The following WWOX variants were observed in gnomAD, a reference collection of about 807,000 sequenced individuals.
WWOX encodes WW domain containing oxidoreductase.
A neutral mutation model predicts 46.2 loss-of-function variants in WWOX; 69 were observed. The observed-to-expected ratio is 1.49, with a 90% CI of 1.23 to 1.82. WWOX has a LOEUF of 1.82. Among genes scored for constraint, WWOX ranks in the 40% most tolerant of loss-of-function variants. WWOX has a pLI of 0.00. For synonymous variants in WWOX, 359 were observed against 202.6 expected (o/e 1.77, Z -6.56); for missense variants, 919 against 542.6 (o/e 1.69, Z -6.89).
intron 8 of WWOX, among the ~76,000 whole-genome samples, chr16:78,537,750 A>G (rs2043793778): frequency 6.6e-6 from 1 of 152,248 alleles, no homozygotes; most frequent in East Asian, 1.9e-4. Flanking sequence ...GTGATGAGGA[A>G]GCTGGATTTG....
intron 8 of WWOX, among the ~76,000 whole-genome samples, chr16:78,573,958 A>G (rs988288795): frequency 2.2e-4 from 33 of 152,292 alleles, no homozygotes; most frequent in Middle Eastern, 3.4e-3. Flanking sequence ...CAAAGTTGCA[A>G]TCATATATTG....
intron 5 of WWOX, among the ~76,000 whole-genome samples, chr16:78,301,758 C>A (rs746539410): frequency 6.6e-6 from 1 of 152,150 alleles, no homozygotes; most frequent in East Asian, 1.9e-4. Flanking sequence ...GATGGTTCAA[C>A]TACAGCACAG....
At chr16:78,181,855 A>G (rs1195277391) in intron 5 of WWOX, among the ~76,000 whole-genome samples, 1 of 152,166 alleles carries the variant, frequency 6.6e-6, no homozygotes, top group African/African-American at 2.4e-5. Context: ...TTTTAGATGT[A>G]TAAGTGGATA....
chr16:78,881,951 C>T (rs1326873996), intron 8 of WWOX, among the ~76,000 whole-genome samples: 1 of 152,058 alleles, frequency 6.6e-6, no homozygotes, highest in African/African-American at 2.4e-5. Flanking sequence ...GGTGAAACCT[C>T]ATCTTTACTA....
intron 8 of WWOX, among the ~76,000 whole-genome samples, chr16:79,113,369 A>T (rs1317001068): frequency 6.6e-6 from 1 of 152,140 alleles, no homozygotes; most frequent in Non-Finnish European, 1.5e-5. Context: ...GGGCAAAGAA[A>T]CTGGAGTACT....
At chr16:78,664,006 T>C (rs1038056099) in intron 8 of WWOX, among the ~76,000 whole-genome samples, 4 of 152,136 alleles carry the variant, frequency 2.6e-5, no homozygotes, top group African/African-American at 9.7e-5. Context: ...GTGATCACTA[T>C]TGGGAGGTGG....
intron 8 of WWOX, among the ~76,000 whole-genome samples, chr16:78,460,514 C>G (rs903657872): frequency 6.6e-6 from 1 of 152,182 alleles, no homozygotes; most frequent in Non-Finnish European, 1.5e-5. Context: ...GCACAGATTT[C>G]TCCAACCCTG....
intron 8 of WWOX, among the ~76,000 whole-genome samples, chr16:78,495,768 A>G (rs2084903080): frequency 6.6e-6 from 1 of 152,110 alleles, no homozygotes. Flanking sequence ...TCCACCTCCC[A>G]AAGTGCTGGG....
chr16:78,160,537 C>G (rs2034761025), intron 4 of WWOX, among the ~76,000 whole-genome samples: 1 of 152,086 alleles, frequency 6.6e-6, no homozygotes, highest in South Asian at 2.1e-4. Context: ...ATATTTCTAA[C>G]TTTCATTGTA....
chr16:78,748,665 T>G (rs2049406066), intron 8 of WWOX, among the ~76,000 whole-genome samples: 1 of 152,118 alleles, frequency 6.6e-6, no homozygotes, highest in African/African-American at 2.4e-5. Context: ...CAAGGGAGAT[T>G]AGGTAAAGTG....
At chr16:78,373,529 TTC>T (rs1329225060) in intron 5 of WWOX, among the ~76,000 whole-genome samples, 2 of 152,192 alleles carry the variant, frequency 1.3e-5, no homozygotes, top group Non-Finnish European at 2.9e-5. Flanking sequence ...AAATGTGGCT[TTC>T]TGTCTAGTCA....
Position 78,978,532 on chromosome 16 carries a change from T to C in WWOX, c.1057-233076T>C, listed in dbSNP as rs150128388. On this transcript the variant is annotated intron_variant, in intron 8 of 8. Transcript: ENST00000566780. ...TCTGGCACTGCTATAAAGAAATGCC[T>C]GAGACTGGGTAATGGCTGAAGAAAA... Among the ~76,000 whole-genome samples the C allele has an allele frequency of 3.5e-4, 54 of 152,296 alleles. 1 individual carries two copies. The highest frequency in any genetic ancestry group is 1.3e-3 in the African/African-American group (52 of 41,558).
intron 8 of WWOX, among the ~76,000 whole-genome samples, chr16:78,636,835 T>C (rs1026340593): frequency 6.6e-6 from 1 of 152,180 alleles, no homozygotes; most frequent in Non-Finnish European, 1.5e-5. Context: ...CTCCTTCAGA[T>C]ACGCTCTTCA....
At chr16:78,530,597 G>A (rs929060973) in intron 8 of WWOX, among the ~76,000 whole-genome samples, 4 of 152,128 alleles carry the variant, frequency 2.6e-5, no homozygotes, top group Non-Finnish European at 4.4e-5. Flanking sequence ...GGCAGGCCGG[G>A]CCATGGGTGG....
At chr16:78,518,643 CATTT>C (rs1207349633) in intron 8 of WWOX, among the ~76,000 whole-genome samples, 1 of 152,170 alleles carries the variant, frequency 6.6e-6, no homozygotes, top group Non-Finnish European at 1.5e-5. Flanking sequence ...ATCTAGATTT[CATTT>C]ATTTAAGAAC....
chr16:79,000,972 C>G (rs1408341622), intron 8 of WWOX, among the ~76,000 whole-genome samples: 1 of 152,096 alleles, frequency 6.6e-6, no homozygotes, highest in African/African-American at 2.4e-5. Flanking sequence ...TATGAGATTC[C>G]TAGGGCCTAC....
intron 8 of WWOX, among the ~76,000 whole-genome samples, chr16:78,580,999 T>C (rs147749982): frequency 6.6e-6 from 1 of 152,234 alleles, no homozygotes; most frequent in East Asian, 1.9e-4. Flanking sequence ...AAAAAGTATA[T>C]CTGTGAACTT....
At chr16:78,938,404 C>G (rs551016686) in intron 8 of WWOX, among the ~76,000 whole-genome samples, 1 of 151,918 alleles carries the variant, frequency 6.6e-6, no homozygotes, top group South Asian at 2.1e-4. Flanking sequence ...GTGCAGAGGC[C>G]CAGACACAGA....
intron 5 of WWOX, among the ~76,000 whole-genome samples, chr16:78,238,696 C>G (rs1057144017): frequency 6.6e-6 from 1 of 151,594 alleles, no homozygotes; most frequent in Non-Finnish European, 1.5e-5. Context: ...CTTGGCTCGC[C>G]ATGATCTCTA....
Sources: gnomAD v4.1 joint callset for allele counts (sites outside exome capture counted in the v4.1 genomes callset) on GRCh38, gnomAD v4.1.1 for gene constraint, MANE v1.5 for transcripts, NCBI Gene and HGNC (gene_info 2026-07-23, HGNC 2026-07-21) for gene names.